SCLT1: variants seen among roughly 807,000 people sequenced by gnomAD.
The protein encoded by SCLT1 is sodium channel-associated protein 1.
A neutral mutation model predicts 112.8 loss-of-function variants in SCLT1; 78 were observed. The ratio of observed to expected loss-of-function variants is 0.69; its 90% CI spans 0.58 to 0.83. The LOEUF (loss-of-function observed/expected upper bound fraction) is 0.83. Ranked by LOEUF, SCLT1 falls within the 40% of genes least tolerant of loss-of-function variation. The pLI is 0.00. For synonymous variants in SCLT1, 257 were observed against 254.7 expected (o/e 1.01, Z -0.09); for missense variants, 747 against 770.4 (o/e 0.97, Z 0.36).
intron 19 of SCLT1, 34 bp downstream of exon 19, chr4:128,891,025 C>T: frequency 6.8e-7 from 1 of 1,466,592 alleles, no homozygotes. Flanking sequence ...CATGCTGCAG[C>T]AGAAAGCACT....
intron 5 of SCLT1, among the ~76,000 whole-genome samples, chr4:129,011,033 C>A (rs887544735): frequency 1.3e-5 from 2 of 152,134 alleles, no homozygotes; most frequent in African/African-American, 4.8e-5. Context: ...TTTGCACATT[C>A]CATATGATGC....
At chr4:128,897,801 A>T (rs957569765) in intron 18 of SCLT1, among the ~76,000 whole-genome samples, 44 of 152,318 alleles carry the variant, frequency 2.9e-4, no homozygotes, top group Non-Finnish European at 6.2e-4. Context: ...AGACACACAT[A>T]GGCTCAAAAT....
At chr4:128,940,418 T>C (rs1310347009) in intron 17 of SCLT1, among the ~76,000 whole-genome samples, 1 of 152,024 alleles carries the variant, frequency 6.6e-6, no homozygotes, top group Admixed American at 6.6e-5. Context: ...CCTTCTAACT[T>C]CTACATAATT....
intron 2 of SCLT1, among the ~76,000 whole-genome samples, chr4:129,068,333 T>C (rs1750677314): frequency 6.6e-6 from 1 of 152,178 alleles, no homozygotes; most frequent in Admixed American, 6.6e-5. Flanking sequence ...TTTACATTCC[T>C]ACCAGCAGTG....
chr4:128,960,926 CAAAAAAAAAAA>C (rs34599122), intron 11 of SCLT1, among the ~76,000 whole-genome samples: 1 of 52,494 alleles, frequency 1.9e-5, no homozygotes, highest in Non-Finnish European at 3.2e-5. Context: ...GACTCCGTCT[CAAAAAAAAAAA>C]AAAAAAAAAA....
At chr4:128,943,573 T>C (rs965937180) in intron 16 of SCLT1, among the ~76,000 whole-genome samples, 16 of 152,186 alleles carry the variant, frequency 1.1e-4, no homozygotes, top group Non-Finnish European at 1.0e-4. Context: ...ATAAACTCCA[T>C]GGACTAACAC....
At chr4:128,939,637 G>C (rs1392774501) in intron 17 of SCLT1, among the ~76,000 whole-genome samples, 1 of 152,160 alleles carries the variant, frequency 6.6e-6, no homozygotes, top group African/African-American at 2.4e-5. Flanking sequence ...ATGGTAATGA[G>C]GCGGAATTTA....
intron 18 of SCLT1, among the ~76,000 whole-genome samples, chr4:128,910,950 T>G (rs1209667277): frequency 1.3e-5 from 2 of 152,168 alleles, no homozygotes; most frequent in Non-Finnish European, 2.9e-5. Context: ...CACAGAGGTT[T>G]GTTGATTTCA....
chr4:129,033,953 T>G (rs1194642493), intron 5 of SCLT1, among the ~76,000 whole-genome samples: 1 of 152,192 alleles, frequency 6.6e-6, no homozygotes, highest in African/African-American at 2.4e-5. Flanking sequence ...CTTAGGCAGA[T>G]AGGATTCTGG....
At chr4:129,082,447 T>A (rs1036563890) in intron 1 of SCLT1, 74 bp from the exon 2 acceptor site, 21 of 849,622 alleles carry the variant, frequency 2.5e-5, no homozygotes, top group Non-Finnish European at 3.9e-5. Context: ...ATACAGTAAT[T>A]ATTTGATGTA....
intron 1 of SCLT1, among the ~76,000 whole-genome samples, chr4:129,083,186 GAAAA>G (rs10651058): frequency 1.2e-5 from 1 of 84,550 alleles, no homozygotes; most frequent in Non-Finnish European, 2.1e-5. Context: ...GTGAGACTCT[GAAAA>G]AAAAAAAAAA....
At chr4:129,043,832 A>G (rs1175597442) in intron 3 of SCLT1, among the ~76,000 whole-genome samples, 161 bp downstream of exon 3, 1 of 152,198 alleles carries the variant, frequency 6.6e-6, no homozygotes, top group African/African-American at 2.4e-5. Flanking sequence ...CTGAGAACTA[A>G]TTTTGTAGAC....
rs1207803403 is a variant in SCLT1, at chr4:128,932,053, T to C, written c.1829+4602A>G. ...GTCCTTTTCTTTCTCATCTCTACTT[T>C]GTTTTAATCTTTAGCATTTGCCATA... On this transcript the variant is annotated intron_variant, in intron 18 of 20. Transcript: ENST00000281142. Among the ~76,000 whole-genome samples the C allele has an allele frequency of 2.0e-5, 3 of 152,274 alleles. No homozygotes were observed. In the East Asian group the frequency reaches 5.8e-4, roughly 29 times the overall value.
chr4:128,887,863 T>C (rs1414959732), intron 20 of SCLT1, among the ~76,000 whole-genome samples: 1 of 152,230 alleles, frequency 6.6e-6, no homozygotes, highest in Non-Finnish European at 1.5e-5. Flanking sequence ...CCAAGGAATT[T>C]TTTTCCACTG....
intron 18 of SCLT1, among the ~76,000 whole-genome samples, chr4:128,923,652 T>C (rs1736056345): frequency 6.7e-6 from 1 of 150,016 alleles, no homozygotes; most frequent in Non-Finnish European, 1.5e-5. Flanking sequence ...TTTTTTTCAA[T>C]CTCCTTTTTG....
chr4:129,015,356 C>T (rs775854162), intron 5 of SCLT1, among the ~76,000 whole-genome samples: 1 of 152,098 alleles, frequency 6.6e-6, no homozygotes, highest in African/African-American at 2.4e-5. Context: ...CACTAGCACA[C>T]AAGCTATGAT....
intron 9 of SCLT1, among the ~76,000 whole-genome samples, chr4:128,985,780 T>C (rs1032065863): frequency 6.6e-6 from 1 of 152,208 alleles, no homozygotes; most frequent in African/African-American, 2.4e-5. Flanking sequence ...GGTTTCACCA[T>C]GTTGGCCAGG....
At chr4:128,967,227 C>T (rs994414343) in intron 10 of SCLT1, among the ~76,000 whole-genome samples, 4 of 152,266 alleles carry the variant, frequency 2.6e-5, no homozygotes, top group East Asian at 1.9e-4. Context: ...ATGGTGTACA[C>T]GTACCACATT....
intron 15 of SCLT1, among the ~76,000 whole-genome samples, chr4:128,947,213 T>C (rs535621890): frequency 3.2e-4 from 49 of 152,324 alleles, no homozygotes; most frequent in African/African-American, 1.2e-3. Context: ...TGTTGTCTTT[T>C]GCCTTGTAAG....
Sources: gnomAD v4.1 joint callset for allele counts (sites outside exome capture counted in the v4.1 genomes callset) on GRCh38, gnomAD v4.1.1 for gene constraint, MANE v1.5 for transcripts, NCBI Gene and HGNC (gene_info 2026-07-23, HGNC 2026-07-21) for gene names.